TNFRSF1A: variants seen among roughly 807,000 people sequenced by gnomAD.
TNFRSF1A encodes TNF receptor superfamily member 1A.
In TNFRSF1A, 9 loss-of-function variants were observed where a neutral mutation model predicts 41.6. The observed-to-expected ratio is 0.22, with a 90% CI of 0.13 to 0.38. The LOEUF (loss-of-function observed/expected upper bound fraction) is 0.38, where lower values mean the gene tolerates loss of function less well. Ranked by LOEUF, TNFRSF1A falls within the 10% of genes least tolerant of loss-of-function variation. TNFRSF1A has a pLI of 1.00. For synonymous variants in TNFRSF1A, 254 were observed against 248.6 expected, an observed-to-expected ratio of 1.02 and a Z score of -0.21; for missense variants, 463 against 591.5, an observed-to-expected ratio of 0.78 and a Z score of 2.25.
intron 1 of TNFRSF1A, among the ~76,000 whole-genome samples, chr12:6,340,702 T>C (rs1404468067): frequency 6.6e-6 from 1 of 151,536 alleles, no homozygotes; most frequent in African/African-American, 2.4e-5. Context: ...AAAGGAATGG[T>C]AGGAGAGGAA....
chr12:6,335,927 C>T (rs955948058), intron 1 of TNFRSF1A, among the ~76,000 whole-genome samples: 1 of 152,232 alleles, frequency 6.6e-6, no homozygotes, highest in African/African-American at 2.4e-5. Context: ...TGCCCCTGCT[C>T]AGAGGACAAC....
rs773534506 is a variant in TNFRSF1A at position 6,330,025 on chromosome 12, G to A, written c.810C>T (p.Asn270=). 6.2e-7 allele frequency: 1 copy of A among 1,612,114 alleles called. No homozygotes were observed. The highest frequency in any genetic ancestry group is 8.5e-7 in the Non-Finnish European group (1 of 1,179,274). ...AGCCTGGAGTGGGACTGAAGCTTGG[G>A]TTTGGGGCCAGGGGCTTAGTAGTAG... ...EGTTTKPLAP[N]PSFSPTPGFT... is the part of the protein sequence containing the mutation. The change falls in exon 9 of 10, where the codon AAC becomes AAT. Residue 270 remains asparagine, a synonymous_variant. Transcript: ENST00000162749.
In TNFRSF1A at chr12:6,333,184, G is replaced by A. The variant is rs372296644; in HGVS notation, c.473-37C>T. ...AGTGCGGCACAGCTAAAGGAGAAGC[G>A]CCTGCACCCCCACCCCACAGGACAG... On this transcript the variant is annotated intron_variant, in intron 4 of 9. Transcript: ENST00000162749. The surrounding 1 kb of genome is among the most constrained non-coding windows in gnomAD (Gnocchi z 6.3). The A allele has an allele frequency of 3.6e-5, 58 of 1,602,732 alleles. No individual in the cohort carries two copies. The Middle Eastern group carries it at 5.0e-4, about 14-fold the overall frequency.
chr12:6,331,138 T>C, intron 5 of TNFRSF1A: 1 of 608,894 alleles, frequency 1.6e-6, no homozygotes, highest in Non-Finnish European at 3.0e-6. Flanking sequence ...AAAGGCTGTG[T>C]AGAAAATGTG....
At chr12:6,340,549 C>A (rs144445697) in intron 1 of TNFRSF1A, among the ~76,000 whole-genome samples, 1 of 152,016 alleles carries the variant, frequency 6.6e-6, no homozygotes, top group Admixed American at 6.6e-5. Context: ...AAGAGTGAGA[C>A]CCTGACCAGA....
rs1038929377 is a variant in TNFRSF1A, at chr12:6,334,701, C to T, written c.40-457G>A. Among the ~76,000 whole-genome samples the T allele has an allele frequency of 1.3e-5, 2 of 152,032 alleles. No homozygotes were observed. Among genetic ancestry groups the T allele is most frequent in the Admixed American group, 6.6e-5 (1 of 15,262 alleles). ...TTTTAGTAGAGGCAGGGTCTTGTTACGTTGCTCAGACTGGTCTCAAAATCC... is the reference window on the plus strand; with the variant it reads ...TTTTAGTAGAGGCAGGGTCTTGTTATGTTGCTCAGACTGGTCTCAAAATCC... On this transcript the variant is annotated intron_variant, in intron 1 of 9. Coordinates refer to ENST00000162749, the MANE Select transcript of TNFRSF1A (RefSeq NM_001065.4). The surrounding 1 kb of genome is among the most constrained non-coding windows in gnomAD (Gnocchi z 5.1).
In TNFRSF1A at chr12:6,332,385, G is replaced by T. The variant is rs1204215385; in HGVS notation, c.551+684C>A. ...GCCCTGGAGGTGGAGGCTGAGCCAC[G>T]GTTGCACCACTGCACTCCAGCCTGG... On this transcript the variant is annotated intron_variant, in intron 5 of 9. Transcript: ENST00000162749. Among the ~76,000 whole-genome samples the T allele has an allele frequency of 2.0e-5, 3 of 148,244 alleles. No individual in the cohort carries two copies. The South Asian group carries it at 6.4e-4, about 31-fold the overall frequency.
chr12:6,335,301 G>C lies in TNFRSF1A; in HGVS notation c.40-1057C>G, dbSNP rs199422113. Among the ~76,000 whole-genome samples the C allele has an allele frequency of 2.0e-5, 3 of 152,182 alleles. No homozygotes were observed. Among genetic ancestry groups the C allele is most frequent in the Admixed American group, 6.5e-5 (1 of 15,282 alleles). ...CCTGCATGGGTAGACGGGGGACAAAGTTGAGACGGGGGCAGGAGTGGGCAA... is the reference window on the plus strand; with the variant it reads ...CCTGCATGGGTAGACGGGGGACAAACTTGAGACGGGGGCAGGAGTGGGCAA... On this transcript the variant is annotated intron_variant, in intron 1 of 9. Coordinates refer to ENST00000162749, the MANE Select transcript of TNFRSF1A (RefSeq NM_001065.4).
At position 6,333,227 on chromosome 12, in the gene TNFRSF1A, A is replaced by G. The variant is rs1254346112; in HGVS notation, c.473-80T>C. The G allele has an allele frequency of 6.4e-7, 1 of 1,561,348 alleles. No individual in the cohort carries two copies. Among genetic ancestry groups the G allele is most frequent in the Non-Finnish European group, 8.8e-7 (1 of 1,137,950 alleles). ...CAGGACAGAGGAAGTGACGAGGGAC[A>G]GGGTGGGGGCGGCCAGAGAGGAGTT... On this transcript the variant is annotated intron_variant, in intron 4 of 9. Coordinates refer to ENST00000162749, the MANE Select transcript of TNFRSF1A (RefSeq NM_001065.4). This position sits in a 1 kb window ranked among gnomAD's most constrained non-coding sequence, Gnocchi z 6.3.
In TNFRSF1A at chr12:6,333,851, T is replaced by C; in HGVS notation, c.208A>G (p.Asn70Asp). 1 of 1,602,394 alleles carries C rather than the reference T, an allele frequency of 6.2e-7. No homozygotes were observed. The highest frequency in any genetic ancestry group is 2.2e-5 in the East Asian group (1 of 44,448). ...TCCTGCCCCGGGCCTGGACAGTCAT[T>C]GTACAAGTAGGTTCCTGTGAATGGG... is the stretch of plus-strand genomic sequence containing the variant. Reference protein sequence around the residue: ...TKCHKGTYLYNDCPGPGQDTD... With the variant: ...TKCHKGTYLYDDCPGPGQDTD... Residue 70 changes from asparagine (N) to aspartate (D), a missense_variant, in exon 3 of 10, where the codon AAT becomes GAT. Physicochemically the swap from Asn to Asp is conservative, Grantham distance 23 (BLOSUM62 1). Around this residue, in one of 4 missense-constraint regions of TNFRSF1A, gnomAD observed 149 missense variants for 239.4 expected, o/e 0.62. Coordinates refer to ENST00000162749, the MANE Select transcript of TNFRSF1A (RefSeq NM_001065.4). The surrounding 1 kb of genome is among the most constrained non-coding windows in gnomAD (Gnocchi z 6.3).
At chr12:6,336,754 C>T (rs919677230) in intron 1 of TNFRSF1A, among the ~76,000 whole-genome samples, 3 of 152,338 alleles carry the variant, frequency 2.0e-5, no homozygotes, top group Admixed American at 2.0e-4. Context: ...CCTCCCAGTT[C>T]AACAAGTCTC....
chr12:6,331,077 AAC>A, intron 5 of TNFRSF1A, 151 bp from the exon 6 acceptor site: 1 of 700,794 alleles, frequency 1.4e-6, no homozygotes, highest in Non-Finnish European at 2.6e-6. Context: ...AGAAGAATGA[AAC>A]ACAGTTAATC....
chr12:6,330,865 T>A lies in TNFRSF1A; in HGVS notation c.613A>T (p.Thr205Ser). ...CLPQIENVKGTEDSGTTVLLP... is the reference protein window; with the variant it reads ...CLPQIENVKGSEDSGTTVLLP... ...CACTTCTCCTCACCTGAGTCCTCAG[T>A]GCCCTTAACATTCTCAATCTGGGGT... The change falls in exon 6 of 10, where the codon ACT becomes TCT. Residue 205 changes from threonine to serine, a missense_variant. Thr to Ser is a moderately conservative substitution (Grantham distance 58, BLOSUM62 1). This residue lies in a region of TNFRSF1A where 149 missense variants were observed against 239.4 expected (regional missense o/e 0.62). Transcript: ENST00000162749. 2 of 1,613,816 alleles carry A rather than the reference T, an allele frequency of 1.2e-6. No homozygotes were observed. Among genetic ancestry groups the A allele is most frequent in the East Asian group, 2.2e-5 (1 of 44,882 alleles).
intron 1 of TNFRSF1A, among the ~76,000 whole-genome samples, chr12:6,335,519 G>A (rs1406659231): frequency 6.6e-6 from 1 of 152,220 alleles, no homozygotes; most frequent in African/African-American, 2.4e-5. Flanking sequence ...CGGCATCAGT[G>A]CCAGGAAAGC....
In TNFRSF1A at chr12:6,329,254, T is replaced by C. The variant is rs1246181911; in HGVS notation, c.*58A>G. The C allele has an allele frequency of 1.4e-6, 2 of 1,410,408 alleles. No homozygotes were observed. The highest frequency in any genetic ancestry group is 9.2e-7 in the Non-Finnish European group (1 of 1,084,404). 87.4% of individuals were successfully genotyped at this position (1,410,408 alleles called of 1,614,324 possible). On this transcript the variant is annotated 3_prime_UTR_variant, in exon 10 of 10. Transcript: ENST00000162749. ...AGGACCCCTCCTTTCCAGAAAAAAG[T>C]GGGGTTGGAAGGCGATCTCGCAGGA...
Position 6,329,214 on chromosome 12 carries a change from C to T in TNFRSF1A, c.*98G>A, listed in dbSNP as rs927091398. ...AGCACCAAGTAGGCGGCTGCTAGCT[C>T]CTGCTTGCCCCTGCAGGACCCCTCC... On this transcript the variant is annotated 3_prime_UTR_variant, in exon 10 of 10. Coordinates refer to ENST00000162749, the MANE Select transcript of TNFRSF1A (RefSeq NM_001065.4). The T allele has an allele frequency of 3.2e-6, 4 of 1,240,308 alleles. No individual in the cohort carries two copies. The highest frequency in any genetic ancestry group is 4.3e-6 in the Non-Finnish European group (4 of 934,806). 76.8% of individuals were successfully genotyped at this position (1,240,308 alleles called of 1,614,324 possible).
Position 6,329,111 on chromosome 12 carries a change from GCA to G in TNFRSF1A, c.*199_*200del. 2.1e-6 allele frequency: 1 copy of G among 474,580 alleles called. No homozygotes were observed. Among genetic ancestry groups the G allele is most frequent in the Non-Finnish European group, 3.5e-6 (1 of 287,042 alleles). 29.4% of individuals were successfully genotyped at this position (474,580 alleles called of 1,614,324 possible). On this transcript the variant is annotated 3_prime_UTR_variant, in exon 10 of 10. Coordinates refer to ENST00000162749, the MANE Select transcript of TNFRSF1A (RefSeq NM_001065.4). The stretch of plus-strand genomic sequence containing the variant: ...CCACTCAGGCTCTTGAGCCCACGGC[GCA>G]CCTCTCTCCGCGCGCACAGCGCTGA...
chr12:6,335,294 G>C (rs4149634), intron 1 of TNFRSF1A, among the ~76,000 whole-genome samples: 31 of 152,262 alleles, frequency 2.0e-4, no homozygotes, highest in African/African-American at 7.2e-4. Context: ...GGTAGACGGG[G>C]GACAAAGTTG....
At chr12:6,329,738 T>G in intron 9 of TNFRSF1A, 40 bp downstream of exon 9, 1 of 1,574,064 alleles carries the variant, frequency 6.4e-7, no homozygotes, top group Admixed American at 1.8e-5. Context: ...CCCCCGGCCC[T>G]CCCCCAGCCT....
Sources: gnomAD v4.1 joint callset for allele counts (sites outside exome capture counted in the v4.1 genomes callset) on GRCh38, gnomAD v4.1.1 for gene constraint, gnomAD v4.1.1 regional missense constraint, Gnocchi (gnomAD v3.1) non-coding constraint, MANE v1.5 for transcripts, NCBI Gene and HGNC (gene_info 2026-07-23, HGNC 2026-07-21) for gene names.